PCDHGB6: variants seen among roughly 807,000 people sequenced by gnomAD.
The protein encoded by PCDHGB6 is protocadherin gamma subfamily B, 6.
PCDHGB6 carries 51 observed loss-of-function variants against 59.1 expected under a neutral mutation model. That is an observed-to-expected ratio of 0.86 (90% CI 0.69 to 1.09). The LOEUF (loss-of-function observed/expected upper bound fraction) is 1.09, where lower values mean the gene tolerates loss of function less well. Among genes scored for constraint, PCDHGB6 ranks in the 50% least tolerant of loss-of-function variants. The probability of loss-of-function intolerance (pLI) is 0.00; values close to 1 mark genes in which losing one functional copy is unlikely to be tolerated. For missense variants in PCDHGB6, 1,148 were observed against 1,205.1 expected, an observed-to-expected ratio of 0.95 and a Z score of 0.70; for synonymous variants, 466 against 495.1, an observed-to-expected ratio of 0.94 and a Z score of 0.78.
In PCDHGB6 at chr5:141,423,241, G is replaced by T. The variant is rs1485226833; in HGVS notation, c.2418+12621G>T. The T allele has an allele frequency of 6.8e-6, 11 of 1,613,836 alleles. No individual in the cohort carries two copies. The Admixed American group carries it at 1.5e-4, about 22-fold the overall frequency. On this transcript the variant is annotated intron_variant, in intron 1 of 3. Transcript: ENST00000520790. ...GGCTGTGGCCGACAGCATCCCCGAAGTCCTGGCGGACCTCGGCAGCCTCGA... is the reference window on the plus strand; with the variant it reads ...GGCTGTGGCCGACAGCATCCCCGAATTCCTGGCGGACCTCGGCAGCCTCGA...
chr5:141,492,461 G>T (rs1218833302), intron 1 of PCDHGB6, among the ~76,000 whole-genome samples: 1 of 152,212 alleles, frequency 6.6e-6, no homozygotes, highest in Non-Finnish European at 1.5e-5. Flanking sequence ...CGCGCCTGAG[G>T]GTCCCAGATC....
chr5:141,415,419 C>A, intron 1 of PCDHGB6: 1 of 1,614,196 alleles, frequency 6.2e-7, no homozygotes, highest in East Asian at 2.2e-5. Context: ...TGGGCGTGGA[C>A]GGGGTTCGGG....
At chr5:141,467,055 C>CTTTTTTTTTTT (rs1193465269) in intron 1 of PCDHGB6, among the ~76,000 whole-genome samples, 1 of 134,498 alleles carries the variant, frequency 7.4e-6, no homozygotes, top group Non-Finnish European at 1.6e-5. Context: ...TCAATGTTTT[C>CTTTTTTTTTTT]TTTTTTTTTT....
Position 141,422,343 on chromosome 5 carries a change from G to T in PCDHGB6, c.2418+11723G>T, listed in dbSNP as rs764862139. ...GTACAGTGATTGCTCTTCTAAATGT[G>T]CAAGATCAAGATTCTGGAGAAAATG... On this transcript the variant is annotated intron_variant, in intron 1 of 3. Transcript: ENST00000520790. 1.9e-6 allele frequency: 3 copies of T among 1,551,388 alleles called. No individual in the cohort carries two copies. The East Asian group carries it at 6.7e-5, about 35-fold the overall frequency.
At position 141,491,502 on chromosome 5, in the gene PCDHGB6, C is replaced by G. The variant is rs751961360; in HGVS notation, c.2419-3305C>G. 1.4e-5 allele frequency: 23 copies of G among 1,614,080 alleles called. No homozygotes were observed. Among genetic ancestry groups the G allele is most frequent in the Non-Finnish European group, 1.8e-5 (21 of 1,180,006 alleles). ...GCCCCAACCTGCAGGTGAGCTCGGA[C>G]GGCACGCTCAAGTACATGGAGGTGA... On this transcript the variant is annotated intron_variant, in intron 1 of 3. Coordinates refer to ENST00000520790, the MANE Select transcript of PCDHGB6 (RefSeq NM_018926.3). This position sits in a 1 kb window ranked among gnomAD's most constrained non-coding sequence, Gnocchi z 6.9.
intron 1 of PCDHGB6, among the ~76,000 whole-genome samples, chr5:141,481,678 G>A (rs1033213047): frequency 6.6e-6 from 1 of 152,006 alleles, no homozygotes; most frequent in African/African-American, 2.4e-5. Flanking sequence ...ATCAGGCCGG[G>A]CCTGGTGGCT....
At chr5:141,506,955 C>G (rs1387377785) in intron 3 of PCDHGB6, 1 of 152,244 alleles carries the variant, frequency 6.6e-6, no homozygotes, top group Non-Finnish European at 1.5e-5. Context: ...AATGAATCCT[C>G]TCAATAGCTC....
intron 1 of PCDHGB6, chr5:141,419,810 C>G (rs368168278): frequency 1.7e-5 from 27 of 1,613,946 alleles, no homozygotes; most frequent in Non-Finnish European, 2.1e-5. Context: ...AGATGGAGGA[C>G]AGCCACCCCT....
intron 1 of PCDHGB6, chr5:141,413,527 G>T (rs768496934): frequency 1.2e-6 from 2 of 1,613,820 alleles, no homozygotes; most frequent in African/African-American, 1.3e-5. Flanking sequence ...GGAAGACAGG[G>T]TGAAACTTTT....
At chr5:141,474,847 GC>G (rs1357496937) in intron 1 of PCDHGB6, among the ~76,000 whole-genome samples, 1 of 152,198 alleles carries the variant, frequency 6.6e-6, no homozygotes, top group East Asian at 1.9e-4. Context: ...CACTTTACCT[GC>G]CTTCTTCATT....
intron 1 of PCDHGB6, among the ~76,000 whole-genome samples, chr5:141,470,430 T>C (rs994304635): frequency 6.6e-6 from 1 of 152,232 alleles, no homozygotes; most frequent in Non-Finnish European, 1.5e-5. Flanking sequence ...TTTCCTTGTG[T>C]GCAATAATTT....
intron 1 of PCDHGB6, among the ~76,000 whole-genome samples, chr5:141,429,416 T>A (rs527999196): frequency 6.6e-6 from 1 of 152,230 alleles, no homozygotes; most frequent in Admixed American, 6.5e-5. Flanking sequence ...GGTCTCATTA[T>A]GTTGCCCAGG....
intron 2 of PCDHGB6, among the ~76,000 whole-genome samples, chr5:141,495,452 C>G (rs543717781): frequency 1.3e-5 from 2 of 152,356 alleles, no homozygotes; most frequent in South Asian, 2.1e-4. Context: ...TTGTCCTGCT[C>G]TCTGTCTGTG....
chr5:141,415,819 TA>T, intron 1 of PCDHGB6: 2 of 1,328,322 alleles, frequency 1.5e-6, no homozygotes, highest in African/African-American at 1.5e-5. Context: ...CTATATATCA[TA>T]AGGCTTTGTT....
Position 141,409,200 on chromosome 5 carries a change from T to A in PCDHGB6, c.998T>A (p.Val333Glu). 6.2e-7 allele frequency: 1 copy of A among 1,614,020 alleles called. No homozygotes were observed. Among genetic ancestry groups the A allele is most frequent in the Non-Finnish European group, 8.5e-7 (1 of 1,179,888 alleles). The change falls in exon 1 of 4, where the codon GTA (valine) becomes GAA (glutamate). Residue 333 changes from valine to glutamate, a missense_variant. Transcript: ENST00000520790. ...GGTGGTCTCTCTACCCAGTGTAAAG[T>A]AATCATAGAAATCCTTGATGAAAAC... Reference protein sequence around the residue: ...DGGGLSTQCKVIIEILDENDN... With the variant: ...DGGGLSTQCKEIIEILDENDN...
chr5:141,497,111 G>A (rs899232924), intron 2 of PCDHGB6, among the ~76,000 whole-genome samples: 16 of 152,010 alleles, frequency 1.1e-4, no homozygotes, highest in Non-Finnish European at 1.2e-4. Context: ...GCTTGAACCC[G>A]GAAGGCAGAG....
chr5:141,427,304 C>T, intron 1 of PCDHGB6: 1 of 456,910 alleles, frequency 2.2e-6, no homozygotes, highest in Non-Finnish European at 4.4e-6. Flanking sequence ...ATGAGAATGA[C>T]AATGCCCCAG....
chr5:141,445,035 T>C (rs1438748354), intron 1 of PCDHGB6, among the ~76,000 whole-genome samples: 1 of 152,208 alleles, frequency 6.6e-6, no homozygotes, highest in Admixed American at 6.5e-5. Flanking sequence ...CTATGTTGTA[T>C]AGTTTTCAGT....
intron 1 of PCDHGB6, among the ~76,000 whole-genome samples, chr5:141,483,644 G>A (rs2099584188): frequency 6.8e-6 from 1 of 146,522 alleles, no homozygotes; most frequent in African/African-American, 2.7e-5. Context: ...AGAGGGGTGT[G>A]TGTTTGTGTG....
Sources: gnomAD v4.1 joint callset for allele counts (sites outside exome capture counted in the v4.1 genomes callset) on GRCh38, gnomAD v4.1.1 for gene constraint, Gnocchi (gnomAD v3.1) non-coding constraint, MANE v1.5 for transcripts, NCBI Gene and HGNC (gene_info 2026-07-23, HGNC 2026-07-21) for gene names.